MGAM2: variants seen among roughly 807,000 people sequenced by gnomAD.
MGAM2 encodes probable maltase-glucoamylase 2.
A neutral mutation model predicts 96.1 loss-of-function variants in MGAM2; 98 were observed. The observed-to-expected ratio is 1.02, with a 90% CI of 0.87 to 1.21. MGAM2 has a LOEUF of 1.21. Ranked by LOEUF, MGAM2 falls within the 50% of genes most tolerant of loss-of-function variation. The pLI is 0.00. For synonymous variants in MGAM2, 749 were observed against 414.8 expected (o/e 1.81, Z -9.79); for missense variants, 2,055 against 1,182.4 (o/e 1.74, Z -10.82).
intron 15 of MGAM2, among the ~76,000 whole-genome samples, chr7:142,153,009 T>C (rs1346907137): frequency 1.2e-5 from 1 of 81,806 alleles, no homozygotes; most frequent in Non-Finnish European, 2.8e-5. Flanking sequence ...TTTTTTTTTT[T>C]GTCTGAGACA....
At chr7:142,189,604 A>G (rs1267370579) in intron 37 of MGAM2, 99 bp downstream of exon 37, 1 of 509,170 alleles carries the variant, frequency 2.0e-6, no homozygotes, top group Non-Finnish European at 3.5e-6. Context: ...GATCCGAGTT[A>G]AATGGGTTAA....
At chr7:142,131,725 T>G in intron 5 of MGAM2, 98 bp downstream of exon 5, 1 of 643,480 alleles carries the variant, frequency 1.6e-6, no homozygotes. Context: ...TCTCCCTCTC[T>G]GCAGGAATCT....
intron 1 of MGAM2, among the ~76,000 whole-genome samples, chr7:142,114,153 G>GGAAAGAA (rs1817277197): frequency 1.1e-5 from 1 of 87,008 alleles, no homozygotes; most frequent in East Asian, 3.2e-4. Context: ...AAAGAAAGAA[G>GGAAAGAA]GAAAGAAAGA....
intron 22 of MGAM2, among the ~76,000 whole-genome samples, chr7:142,161,627 A>G (rs1001063576): frequency 6.6e-6 from 1 of 152,242 alleles, no homozygotes; most frequent in Non-Finnish European, 1.5e-5. Context: ...ATGTGATTAT[A>G]TAAAAATCCT....
chr7:142,120,072 GCAAA>G (rs763417805), intron 2 of MGAM2, among the ~76,000 whole-genome samples: 130 of 152,288 alleles, frequency 8.5e-4, no homozygotes, highest in Non-Finnish European at 1.4e-3. Context: ...TGTTTAAAAA[GCAAA>G]CAAAGTAGAA....
chr7:142,183,751 C>G (rs748158352), intron 33 of MGAM2, among the ~76,000 whole-genome samples: 1 of 152,102 alleles, frequency 6.6e-6, no homozygotes, highest in Non-Finnish European at 1.5e-5. Flanking sequence ...CTAAATGAAT[C>G]ATTAAGTCCT....
chr7:142,146,720 T>C (rs1161835738), intron 14 of MGAM2, among the ~76,000 whole-genome samples: 1 of 149,960 alleles, frequency 6.7e-6, no homozygotes, highest in Non-Finnish European at 1.5e-5. Flanking sequence ...AATGTCCAAA[T>C]GTCACATCTT....
intron 3 of MGAM2, among the ~76,000 whole-genome samples, chr7:142,121,188 T>A (rs1413537013): frequency 6.7e-6 from 1 of 149,960 alleles, no homozygotes; most frequent in Non-Finnish European, 1.5e-5. Flanking sequence ...CTTTCTTTTC[T>A]TTTTTTTGAG....
intron 37 of MGAM2, among the ~76,000 whole-genome samples, chr7:142,192,405 C>T (rs1036951017): frequency 1.3e-5 from 2 of 152,096 alleles, no homozygotes; most frequent in African/African-American, 4.8e-5. Flanking sequence ...TCAGAGATAA[C>T]CTTACCTTGG....
At chr7:142,153,051 A>C (rs1368201157) in intron 15 of MGAM2, among the ~76,000 whole-genome samples, 1 of 143,324 alleles carries the variant, frequency 7.0e-6, no homozygotes, top group East Asian at 2.1e-4. Flanking sequence ...GCTGGAGTGC[A>C]GTGGCACGAT....
rs748299647 is a variant in MGAM2 at position 142,183,950 on chromosome 7, C to CTTTTTTTTTTTTT, written c.3924+605_3924+617dup. Among the ~76,000 whole-genome samples the CTTTTTTTTTTTTT allele has an allele frequency of 3.7e-4, 17 of 46,148 alleles. 5 individuals are homozygous for CTTTTTTTTTTTTT. The highest frequency in any genetic ancestry group is 7.8e-4 in the Admixed American group (2 of 2,580). 30.3% of individuals were successfully genotyped at this position (46,148 alleles called of 152,430 possible). On this transcript the variant is annotated intron_variant, in intron 33 of 47. Transcript: ENST00000477922. ...ACTGCTCTGGATGTATTCCAGGCTC[C>CTTTTTTTTTTTTT]TTTTTTTTTTTTTTTTTTTTTTTTT... is the stretch of plus-strand genomic sequence containing the variant.
At chr7:142,208,982 A>AATGTTAGAT (rs1349082466) in intron 46 of MGAM2, among the ~76,000 whole-genome samples, 2 of 152,320 alleles carry the variant, frequency 1.3e-5, no homozygotes, top group East Asian at 3.9e-4. Context: ...ACGACCTCAA[A>AATGTTAGAT]ACCTTAGTGG....
chr7:142,200,464 A>T (rs992310822), intron 45 of MGAM2, among the ~76,000 whole-genome samples: 1 of 152,182 alleles, frequency 6.6e-6, no homozygotes, highest in Non-Finnish European at 1.5e-5. Flanking sequence ...TGAAATATTA[A>T]TTTGTATGTT....
intron 37 of MGAM2, among the ~76,000 whole-genome samples, chr7:142,194,765 A>G (rs1796979889): frequency 6.6e-6 from 1 of 151,012 alleles, no homozygotes; most frequent in African/African-American, 2.4e-5. Context: ...TTGGTGTGAA[A>G]AATTGGAAAT....
At position 142,159,295 on chromosome 7, in the gene MGAM2, C is replaced by T. The variant is rs943877774; in HGVS notation, c.2172C>T (p.Asp724=). Residue 724 remains aspartate, a synonymous_variant, in exon 20 of 48, where the codon GAC becomes GAT. Coordinates refer to ENST00000477922, the MANE Select transcript of MGAM2 (RefSeq NM_001293626.2). ...TATTGTTGTTTACCTAGGGTGTGGA[C>T]GAAGTGAAAGCATACATACCTGATG... is the stretch of plus-strand genomic sequence containing the variant. ...LITPVLYEGV[D]EVKAYIPDAT... The T allele has an allele frequency of 3.8e-5, 27 of 702,064 alleles. No individual in the cohort carries two copies. Among genetic ancestry groups the T allele is most frequent in the African/African-American group, 2.3e-4 (13 of 57,142 alleles). 43.5% of individuals were successfully genotyped at this position (702,064 alleles called of 1,614,324 possible).
At chr7:142,117,446 C>T (rs757425988) in intron 2 of MGAM2, among the ~76,000 whole-genome samples, 14 of 152,304 alleles carry the variant, frequency 9.2e-5, no homozygotes, top group Non-Finnish European at 1.6e-4. Flanking sequence ...GTCTGTCTGT[C>T]TCTCTCTCAG....
At chr7:142,155,735 A>G (rs148902662) in intron 17 of MGAM2, among the ~76,000 whole-genome samples, 62 of 152,332 alleles carry the variant, frequency 4.1e-4, no homozygotes, top group African/African-American at 1.4e-3. Context: ...AGACTTACAT[A>G]GGTAAGAACA....
Position 142,221,231 on chromosome 7 carries a change from T to G in MGAM2, c.6720T>G (p.Phe2240Leu), listed in dbSNP as rs1797918164. The G allele has an allele frequency of 1.4e-6, 1 of 701,424 alleles. No individual in the cohort carries two copies. The highest frequency in any genetic ancestry group is 2.6e-6 in the Non-Finnish European group (1 of 384,176). The allele number at this position is 701,424 out of a possible 1,614,324, so 43.5% of individuals were successfully genotyped here. ...ATAATGATGCTTCTATGACAAATTT[T>G]CTTTTAGCTACAATGTCTGCTGGTA... ...STNNDASMTN[F>L]LLATMSAGNI... is the part of the protein sequence containing the mutation. Residue 2240 changes from phenylalanine (F) to leucine (L), a missense_variant, in exon 48 of 48, where the codon TTT (phenylalanine) becomes TTG (leucine). Transcript: ENST00000477922.
chr7:142,115,199 C>T (rs1057148104), intron 1 of MGAM2, among the ~76,000 whole-genome samples: 5 of 152,012 alleles, frequency 3.3e-5, no homozygotes, highest in East Asian at 3.9e-4. Context: ...GGTGACACTC[C>T]GTCTGCAAAA....
Sources: allele counts gnomAD v4.1 joint callset (sites outside exome capture counted in the v4.1 genomes callset), GRCh38; gene constraint gnomAD v4.1.1; transcripts MANE v1.5; gene names NCBI Gene and HGNC (gene_info 2026-07-23, HGNC 2026-07-21).